Variants in GPR155 observed in about 807,000 individuals in gnomAD.
GPR155 encodes the protein lysosomal cholesterol signaling protein.
GPR155 carries 65 observed loss-of-function variants against 93.1 expected under a neutral mutation model. The ratio of observed to expected loss-of-function variants is 0.70; its 90% CI spans 0.57 to 0.86. The LOEUF (loss-of-function observed/expected upper bound fraction) is 0.86. Among genes scored for constraint, GPR155 ranks in the 40% least tolerant of loss-of-function variants. The pLI is 0.00. For synonymous variants in GPR155, 319 were observed against 360.1 expected (o/e 0.89, Z 1.29); for missense variants, 838 against 1,034.8 (o/e 0.81, Z 2.61).
At position 174,435,942 on chromosome 2, in the gene GPR155, T is replaced by C. The variant is rs564564998; in HGVS notation, c.*174A>G. 5 of 588,314 alleles carry C rather than the reference T, an allele frequency of 8.5e-6. 1 individual carries two copies. Among genetic ancestry groups the C allele is most frequent in the South Asian group, 4.5e-5 (2 of 44,026 alleles). The allele number at this position is 588,314 out of a possible 1,614,324, so 36.4% of individuals were successfully genotyped here. On this transcript the variant is annotated 3_prime_UTR_variant, in exon 16 of 16. Transcript: ENST00000392552. ...CAGCTTCCTATGTGTTTTACATACA[T>C]GTAAAATCACAGACCCTGCGCATGT...
intron 11 of GPR155, 144 bp downstream of exon 11, chr2:174,453,593 C>G (rs1027458735): frequency 2.0e-6 from 1 of 506,658 alleles, no homozygotes; most frequent in East Asian, 3.2e-5. Flanking sequence ...CTGGGAGGCA[C>G]AGCTTGCAGT....
chr2:174,445,369 T>G (rs970753996), intron 12 of GPR155, 193 bp from the exon 13 acceptor site: 1 of 525,702 alleles, frequency 1.9e-6, no homozygotes, highest in Non-Finnish European at 3.4e-6. Context: ...CAGATGTCAT[T>G]CAAACAGTTA....
chr2:174,442,651 G>C lies in GPR155; in HGVS notation c.2110-468C>G, dbSNP rs117365162. Among the ~76,000 whole-genome samples, 23 of 152,322 alleles carry C rather than the reference G, an allele frequency of 1.5e-4. No homozygotes were observed. In the East Asian group the frequency reaches 3.7e-3, roughly 24 times the overall value. ...GGTTAGGAGAAGAGTTCAAGGATTT[G>C]TGAGTGTCAAGGCAAATGCCTAGCA... On this transcript the variant is annotated intron_variant, in intron 13 of 15. Transcript: ENST00000392552.
chr2:174,445,882 G>GA, intron 12 of GPR155, among the ~76,000 whole-genome samples: 1 of 149,046 alleles, frequency 6.7e-6, no homozygotes, highest in Non-Finnish European at 1.5e-5. Context: ...GTTCTGAGAG[G>GA]TTTTTTGGTT....
rs1293047644 is a variant in GPR155, at chr2:174,433,174, TTAAA to T, written c.*2938_*2941del. The T allele has an allele frequency of 5.9e-5, 9 of 152,154 alleles. No homozygotes were observed. The highest frequency in any genetic ancestry group is 1.0e-4 in the Non-Finnish European group (7 of 68,030). The allele number at this position is 152,154 out of a possible 1,614,324, so 9.4% of individuals were successfully genotyped here. ...TTTACATGAGACACTTAAAGTATAA[TTAAA>T]TAAATATCTGAAACGTTTAAAATAA... On this transcript the variant is annotated 3_prime_UTR_variant, in exon 16 of 16. Transcript: ENST00000392552.
In GPR155 at chr2:174,431,780, C is replaced by T. The variant is rs1022144269; in HGVS notation, c.*4336G>A. On this transcript the variant is annotated 3_prime_UTR_variant, in exon 16 of 16. Coordinates refer to ENST00000392552, the MANE Select transcript of GPR155 (RefSeq NM_152529.7). ...AAACACTAAGAGCCGCATTCTGCTG[C>T]GTAACAAACATATAAAACACTAGTT... is the stretch of plus-strand genomic sequence containing the variant. 3 of 152,148 alleles carry T rather than the reference C, an allele frequency of 2.0e-5. No homozygotes were observed. Among genetic ancestry groups the T allele is most frequent in the Non-Finnish European group, 2.9e-5 (2 of 68,028 alleles). 9.4% of individuals were successfully genotyped at this position (152,148 alleles called of 1,614,324 possible).
rs1687913599 is a variant in GPR155, at chr2:174,468,912, C to T, written c.1182G>A (p.Leu394=). The change falls in exon 5 of 16, where the codon TTG becomes TTA. Residue 394 remains leucine (L), a splice_region_variant and synonymous_variant. Coordinates refer to ENST00000392552, the MANE Select transcript of GPR155 (RefSeq NM_152529.7). ...TCATTTTGGGATGCAACGTACTTAC[C>T]AAGGAGATCAGGCTGACAATACTTA... ...FDISIVSLIS[L]IWSLAILLLS... is the part of the protein sequence containing the mutation. 1 of 1,612,470 alleles carries T rather than the reference C, an allele frequency of 6.2e-7. No individual in the cohort carries two copies. Among genetic ancestry groups the T allele is most frequent in the Non-Finnish European group, 8.5e-7 (1 of 1,178,752 alleles).
chr2:174,453,922 AAAC>A (rs1337179666), intron 10 of GPR155, 81 bp from the exon 11 acceptor site: 27 of 928,642 alleles, frequency 2.9e-5, no homozygotes, highest in Non-Finnish European at 4.6e-5. Context: ...AAAGAAAACA[AAAC>A]AAAATCCACT....
intron 1 of GPR155, 60 bp downstream of exon 1, chr2:174,486,813 C>G (rs575201812): frequency 1.3e-5 from 2 of 152,874 alleles, no homozygotes; most frequent in Admixed American, 6.5e-5. Context: ...GCAGGGGTAC[C>G]CCGTGCCCGC....
chr2:174,446,629 G>T lies in GPR155; in HGVS notation c.1995C>A (p.Leu665=). 1 of 1,613,528 alleles carries T rather than the reference G, an allele frequency of 6.2e-7. No homozygotes were observed. Among genetic ancestry groups the T allele is most frequent in the South Asian group, 1.1e-5 (1 of 90,988 alleles). ...CCATTACAGCGAACAGGCCAATGAT[G>T]AGAAGTAAACACAGCAACACATGTC... The part of the protein sequence containing the change: ...LTRHVLLCLL[L]IIGLFANLSS... Residue 665 remains leucine (L), a synonymous_variant, in exon 12 of 16, where the codon CTC becomes CTA. Transcript: ENST00000392552.
chr2:174,444,482 T>G (rs1574698063), intron 13 of GPR155, among the ~76,000 whole-genome samples: 2 of 132,858 alleles, frequency 1.5e-5, no homozygotes, highest in Admixed American at 8.2e-5. Context: ...TTTCCCAAAG[T>G]GACCTTTTTT....
chr2:174,435,152 A>G lies in GPR155; in HGVS notation c.*964T>C, dbSNP rs1686738536. On this transcript the variant is annotated 3_prime_UTR_variant, in exon 16 of 16. Transcript: ENST00000392552. ...GAAATTATAGTAAACAGTTGCAGAA[A>G]GCAATGATTATATAATGTTGGCATA... The G allele has an allele frequency of 6.6e-6, 1 of 152,232 alleles. No individual in the cohort carries two copies. Among genetic ancestry groups the G allele is most frequent in the Non-Finnish European group, 1.5e-5 (1 of 68,038 alleles). 9.4% of individuals were successfully genotyped at this position (152,232 alleles called of 1,614,324 possible).
Position 174,447,060 on chromosome 2 carries a change from G to A in GPR155, c.1877-313C>T, listed in dbSNP as rs898536992. ...TTAAAAATTATACATAATTTGCCTG[G>A]GTGCGGTGGCTCATGCCTGTAATCC... On this transcript the variant is annotated intron_variant, in intron 11 of 15. Transcript: ENST00000392552. Among the ~76,000 whole-genome samples the A allele has an allele frequency of 3.3e-5, 5 of 151,642 alleles. No homozygotes were observed. In the East Asian group the frequency reaches 7.7e-4, roughly 23 times the overall value.
intron 12 of GPR155, among the ~76,000 whole-genome samples, chr2:174,446,020 T>C (rs1395286865): frequency 6.6e-6 from 1 of 151,962 alleles, no homozygotes; most frequent in African/African-American, 2.4e-5. Context: ...AAATAGCTGC[T>C]TTTGGGCCTG....
chr2:174,443,659 G>A (rs1405069779), intron 13 of GPR155, among the ~76,000 whole-genome samples: 2 of 152,070 alleles, frequency 1.3e-5, no homozygotes, highest in Non-Finnish European at 2.9e-5. Context: ...AACCCAGGAG[G>A]TGGAGGTTGC....
intron 15 of GPR155, among the ~76,000 whole-genome samples, chr2:174,437,362 G>A (rs576832834): frequency 6.6e-5 from 10 of 152,110 alleles, no homozygotes; most frequent in Non-Finnish European, 1.0e-4. Flanking sequence ...ATTCATTAGA[G>A]TTTATATAAG....
chr2:174,446,726 C>G lies in GPR155; in HGVS notation c.1898G>C (p.Cys633Ser). Residue 633 changes from cysteine (C) to serine (S), a missense_variant, in exon 12 of 16, where the codon TGT becomes TCT. Cys to Ser is a moderately radical substitution (Grantham distance 112, BLOSUM62 -1). Coordinates refer to ENST00000392552, the MANE Select transcript of GPR155 (RefSeq NM_152529.7). ...GGCTAATATGCAGCTCTGGGAGTTA[C>G]AGCGACTCACACAATGATTGTCTAT... ...FEKNNHCVSR[C>S]NSQSCILAQE... 1 of 1,613,942 alleles carries G rather than the reference C, an allele frequency of 6.2e-7. No homozygotes were observed. Among genetic ancestry groups the G allele is most frequent in the Non-Finnish European group, 8.5e-7 (1 of 1,179,900 alleles).
intron 1 of GPR155, among the ~76,000 whole-genome samples, chr2:174,483,752 A>G (rs1688395404): frequency 6.6e-6 from 1 of 151,930 alleles, no homozygotes; most frequent in Non-Finnish European, 1.5e-5. Context: ...TGCCTGGCTA[A>G]TTTTGAATTT....
intron 2 of GPR155, among the ~76,000 whole-genome samples, chr2:174,474,099 A>C (rs539565862): frequency 6.6e-6 from 1 of 152,360 alleles, no homozygotes; most frequent in African/African-American, 2.4e-5. Context: ...GTAGTTCACA[A>C]GACAATGACA....
Sources: gnomAD v4.1 joint callset for allele counts (sites outside exome capture counted in the v4.1 genomes callset) on GRCh38, gnomAD v4.1.1 for gene constraint, MANE v1.5 for transcripts, NCBI Gene and HGNC (gene_info 2026-07-23, HGNC 2026-07-21) for gene names.